SV2C: variants seen among roughly 807,000 people sequenced by gnomAD.
The protein encoded by SV2C is solute carrier family 22 member B3.
A neutral mutation model predicts 79.7 loss-of-function variants in SV2C; 49 were observed. That is an observed-to-expected ratio of 0.61 (90% CI 0.49 to 0.78). SV2C has a LOEUF of 0.78. SV2C is among the 30% of genes least tolerant of loss of function. The pLI is 0.00. For synonymous variants in SV2C, 334 were observed against 333.2 expected, an observed-to-expected ratio of 1.00 and a Z score of -0.03; for missense variants, 833 against 912.9, an observed-to-expected ratio of 0.91 and a Z score of 1.13.
At chr5:76,102,672 A>T (rs990211742) in intron 1 of SV2C, among the ~76,000 whole-genome samples, 1 of 152,214 alleles carries the variant, frequency 6.6e-6, no homozygotes, top group African/African-American at 2.4e-5. Flanking sequence ...TGTCAGGCTT[A>T]AAAACCCAAG....
the SV2C span, among the ~76,000 whole-genome samples, chr5:75,961,314 C>G: frequency 6.6e-6 from 1 of 151,870 alleles, no homozygotes; most frequent in Non-Finnish European, 1.5e-5. Context: ...AAATTATTGT[C>G]TATTTATTCC....
the SV2C span, among the ~76,000 whole-genome samples, chr5:75,855,619 TATG>T: frequency 2.4e-4 from 36 of 152,284 alleles, no homozygotes; most frequent in Non-Finnish European, 2.8e-4. Context: ...TTATATCTGA[TATG>T]ATGATCTATG....
the SV2C span, among the ~76,000 whole-genome samples, chr5:75,919,675 G>C: frequency 6.6e-6 from 1 of 152,164 alleles, no homozygotes; most frequent in Admixed American, 6.5e-5. Context: ...ACCAGACTTT[G>C]AAATGTCAAT....
chr5:75,862,552 C>T, the SV2C span, among the ~76,000 whole-genome samples: 1 of 152,160 alleles, frequency 6.6e-6, no homozygotes, highest in African/African-American at 2.4e-5. Context: ...TAAAATGAGC[C>T]TTCCACAAAC....
chr5:76,197,996 A>G (rs1744325186), intron 3 of SV2C, among the ~76,000 whole-genome samples: 1 of 152,206 alleles, frequency 6.6e-6, no homozygotes, highest in Admixed American at 6.5e-5. Context: ...ACAGGAGAGG[A>G]AGGATGTCCC....
the SV2C span, among the ~76,000 whole-genome samples, chr5:76,077,735 A>C: frequency 1.3e-5 from 2 of 152,278 alleles, no homozygotes; most frequent in African/African-American, 2.4e-5. Context: ...GACTACAATG[A>C]GTTTTGGAGT....
At chr5:75,871,445 A>G in the SV2C span, among the ~76,000 whole-genome samples, 1 of 152,150 alleles carries the variant, frequency 6.6e-6, no homozygotes, top group Admixed American at 6.6e-5. Context: ...AAGTGATAAG[A>G]CTGTTTATGT....
the SV2C span, among the ~76,000 whole-genome samples, chr5:76,049,006 A>AGAAAGAAAGAAAG: frequency 9.7e-6 from 1 of 103,320 alleles, no homozygotes; most frequent in African/African-American, 3.3e-5. Context: ...AAAGAAAGAA[A>AGAAAGAAAGAAAG]GAAAGAAAGA....
intron 2 of SV2C, among the ~76,000 whole-genome samples, chr5:76,163,280 C>T (rs746040640): frequency 2.0e-5 from 3 of 152,152 alleles, no homozygotes; most frequent in Non-Finnish European, 2.9e-5. Flanking sequence ...TTCATCCTTG[C>T]GTTACCAGTG....
the SV2C span, among the ~76,000 whole-genome samples, chr5:76,010,002 T>G: frequency 4.2e-4 from 62 of 148,754 alleles, no homozygotes; most frequent in South Asian, 2.6e-3. Flanking sequence ...TTTTTTTTTT[T>G]TTTTTTTTTT....
At chr5:75,895,045 A>T in the SV2C span, among the ~76,000 whole-genome samples, 1 of 152,242 alleles carries the variant, frequency 6.6e-6, no homozygotes, top group African/African-American at 2.4e-5. Context: ...TTAGTAGCTG[A>T]TCACTACGCT....
At chr5:76,094,616 G>A (rs527626061) in intron 1 of SV2C, among the ~76,000 whole-genome samples, 23 of 152,104 alleles carry the variant, frequency 1.5e-4, no homozygotes, top group African/African-American at 5.1e-4. Flanking sequence ...TATCAATAAA[G>A]TATCTATGAA....
the SV2C span, chr5:75,920,903 CT>C: frequency 2.7e-6 from 2 of 745,210 alleles, no homozygotes; most frequent in Non-Finnish European, 5.0e-6. Flanking sequence ...TCAGCAGGCC[CT>C]GCAGGCCCTG....
At chr5:76,200,918 C>T (rs945746875) in intron 3 of SV2C, among the ~76,000 whole-genome samples, 4 of 152,222 alleles carry the variant, frequency 2.6e-5, no homozygotes, top group East Asian at 3.8e-4. Flanking sequence ...GCTGGGATTG[C>T]AGGCATGAGC....
At chr5:76,169,409 G>A (rs574510365) in intron 2 of SV2C, among the ~76,000 whole-genome samples, 3 of 152,274 alleles carry the variant, frequency 2.0e-5, no homozygotes, top group African/African-American at 7.2e-5. Context: ...TAGTTGTAGG[G>A]GGCAGGGTGG....
At chr5:76,017,347 C>T in the SV2C span, among the ~76,000 whole-genome samples, 11 of 152,000 alleles carry the variant, frequency 7.2e-5, no homozygotes, top group Admixed American at 2.0e-4. Context: ...AGTGCAGTGG[C>T]GCAATCTTGG....
the SV2C span, among the ~76,000 whole-genome samples, chr5:76,034,731 C>G: frequency 6.6e-6 from 1 of 152,160 alleles, no homozygotes; most frequent in Non-Finnish European, 1.5e-5. Flanking sequence ...GTGTCTCTGC[C>G]TGCCTTTGGT....
chr5:76,247,653 C>T (rs1445249832), intron 4 of SV2C, among the ~76,000 whole-genome samples: 7 of 152,226 alleles, frequency 4.6e-5, no homozygotes, highest in East Asian at 1.9e-4. Context: ...AATACAACAT[C>T]GGGGAACTAG....
At chr5:76,308,758 T>G (rs1189222111) in intron 12 of SV2C, among the ~76,000 whole-genome samples, 3 of 152,188 alleles carry the variant, frequency 2.0e-5, no homozygotes, top group Non-Finnish European at 4.4e-5. Flanking sequence ...CCTCTTTCAG[T>G]CTTGTTCTGT....
Sources: allele counts gnomAD v4.1 joint callset (sites outside exome capture counted in the v4.1 genomes callset), GRCh38; gene constraint gnomAD v4.1.1; transcripts MANE v1.5; gene names NCBI Gene and HGNC (gene_info 2026-07-23, HGNC 2026-07-21).